The following GABRB1 variants were observed in gnomAD, a reference collection of about 807,000 sequenced individuals.
GABRB1 encodes gamma-aminobutyric acid type A receptor subunit beta1.
A neutral mutation model predicts 51.6 loss-of-function variants in GABRB1; 17 were observed. The ratio of observed to expected loss-of-function variants is 0.33; its 90% CI spans 0.23 to 0.49. GABRB1 has a LOEUF of 0.49. Ranked by LOEUF, GABRB1 falls within the 20% of genes least tolerant of loss-of-function variation. The pLI is 0.99. For missense variants in GABRB1, 410 were observed against 600.6 expected (o/e 0.68, Z 3.32); for synonymous variants, 247 against 218.9 (o/e 1.13, Z -1.14).
intron 1 of GABRB1, among the ~76,000 whole-genome samples, chr4:47,011,490 G>T (rs940155171): frequency 1.2e-4 from 18 of 152,116 alleles, no homozygotes; most frequent in Non-Finnish European, 2.5e-4. Context: ...CCCAAGTAGG[G>T]TCAAATGGTT....
intron 7 of GABRB1, among the ~76,000 whole-genome samples, chr4:47,404,526 C>T (rs1026019880): frequency 2.4e-5 from 3 of 126,014 alleles, no homozygotes; most frequent in African/African-American, 9.8e-5. Context: ...CACACACACA[C>T]ACATCATTTC....
intron 5 of GABRB1, among the ~76,000 whole-genome samples, chr4:47,330,936 G>A (rs28651811): frequency 1.0e-3 from 154 of 152,252 alleles, no homozygotes; most frequent in African/African-American, 3.7e-3. Context: ...CAAATCATTA[G>A]TTCTGATCTG....
chr4:47,174,356 C>T (rs1240164976), intron 4 of GABRB1, among the ~76,000 whole-genome samples: 2 of 152,150 alleles, frequency 1.3e-5, no homozygotes, highest in Admixed American at 6.6e-5. Context: ...TGACCCACCA[C>T]ACCCAGCTTT....
At chr4:47,409,351 G>A (rs2110057665) in intron 8 of GABRB1, among the ~76,000 whole-genome samples, 1 of 152,318 alleles carries the variant, frequency 6.6e-6, no homozygotes, top group Non-Finnish European at 1.5e-5. Context: ...CTTATTGCTG[G>A]ATGGAGGTGG....
intron 4 of GABRB1, among the ~76,000 whole-genome samples, chr4:47,296,917 G>T (rs372751880): frequency 2.0e-5 from 3 of 152,072 alleles, no homozygotes; most frequent in Non-Finnish European, 4.4e-5. Flanking sequence ...GTCTCTCAGA[G>T]CACAGTGCAA....
At chr4:47,350,034 T>A (rs1280477168) in intron 5 of GABRB1, among the ~76,000 whole-genome samples, 2 of 151,974 alleles carry the variant, frequency 1.3e-5, no homozygotes, top group Non-Finnish European at 2.9e-5. Context: ...TAATCTATAC[T>A]TTCACAATAT....
intron 3 of GABRB1, among the ~76,000 whole-genome samples, chr4:47,126,110 T>C (rs1716132417): frequency 6.6e-6 from 1 of 151,940 alleles, no homozygotes; most frequent in African/African-American, 2.4e-5. Flanking sequence ...TATCCAGCCT[T>C]TAAAAAATAT....
intron 4 of GABRB1, among the ~76,000 whole-genome samples, chr4:47,244,354 C>T (rs144968789): frequency 0.028 from 4,245 of 151,874 alleles, 109 homozygotes; most frequent in Non-Finnish European, 0.038. Flanking sequence ...CTTTTTTTGT[C>T]GTGCCTCTGC....
intron 3 of GABRB1, among the ~76,000 whole-genome samples, chr4:47,064,694 T>C (rs79825454): frequency 0.052 from 7,779 of 148,816 alleles, 310 homozygotes; most frequent in East Asian, 0.12. Context: ...GTTATCAACC[T>C]AATATTTATA....
intron 5 of GABRB1, among the ~76,000 whole-genome samples, 161 bp downstream of exon 5, chr4:47,320,370 G>A (rs1295791953): frequency 6.6e-6 from 1 of 152,188 alleles, no homozygotes. Context: ...TTTCAATGAA[G>A]TTATCATTTT....
intron 3 of GABRB1, among the ~76,000 whole-genome samples, chr4:47,075,563 T>C (rs1727509807): frequency 6.6e-6 from 1 of 152,232 alleles, no homozygotes; most frequent in South Asian, 2.1e-4. Context: ...AGTCTGCTTA[T>C]GGTGTATCAA....
chr4:47,160,868 C>G (rs950888417), intron 3 of GABRB1, among the ~76,000 whole-genome samples: 3 of 151,972 alleles, frequency 2.0e-5, no homozygotes, highest in African/African-American at 7.3e-5. Context: ...CTTACTGCAG[C>G]CTCAGTCTCC....
chr4:47,057,173 A>G (rs780416865), intron 3 of GABRB1, among the ~76,000 whole-genome samples: 4 of 152,204 alleles, frequency 2.6e-5, no homozygotes, highest in Non-Finnish European at 5.9e-5. Flanking sequence ...GTCTACATTT[A>G]CATTTACCAC....
intron 3 of GABRB1, among the ~76,000 whole-genome samples, chr4:47,099,564 T>C (rs1361587478): frequency 3.3e-5 from 5 of 152,102 alleles, no homozygotes; most frequent in African/African-American, 1.2e-4. Context: ...CTAAAACATG[T>C]TAATAACCAT....
At chr4:47,032,375 A>C (rs747805435) in intron 2 of GABRB1, 42 bp from the exon 3 acceptor site, 1 of 1,529,976 alleles carries the variant, frequency 6.5e-7, no homozygotes, top group Non-Finnish European at 8.9e-7. Context: ...GCCTGCTGTC[A>C]CTGAGAGAAT....
chr4:47,061,902 T>C (rs4235143), intron 3 of GABRB1, among the ~76,000 whole-genome samples: 148,067 of 152,264 alleles, frequency 0.97, 72,027 homozygotes, highest in East Asian at 1. Flanking sequence ...TAGCGCCTCT[T>C]AAATGGTAAT....
intron 4 of GABRB1, among the ~76,000 whole-genome samples, chr4:47,213,834 G>T (rs1012838698): frequency 8.3e-5 from 12 of 144,350 alleles, no homozygotes; most frequent in South Asian, 2.2e-4. Flanking sequence ...TTCTGAAACA[G>T]TTTTTTTTTT....
At chr4:47,295,651 C>T (rs1026079252) in intron 4 of GABRB1, among the ~76,000 whole-genome samples, 9 of 152,236 alleles carry the variant, frequency 5.9e-5, no homozygotes, top group East Asian at 3.9e-4. Context: ...CTGAAAGTGA[C>T]GGGGAGAATG....
At chr4:47,084,800 C>G (rs1008925839) in intron 3 of GABRB1, among the ~76,000 whole-genome samples, 1 of 152,126 alleles carries the variant, frequency 6.6e-6, no homozygotes, top group Non-Finnish European at 1.5e-5. Flanking sequence ...GGAACAGGAC[C>G]CTTAAAGATG....
Sources: gnomAD v4.1 joint callset for allele counts (sites outside exome capture counted in the v4.1 genomes callset) on GRCh38, gnomAD v4.1.1 for gene constraint, MANE v1.5 for transcripts, NCBI Gene and HGNC (gene_info 2026-07-23, HGNC 2026-07-21) for gene names.